C12orf42: variants seen among roughly 807,000 people sequenced by gnomAD.
The protein encoded by C12orf42 is uncharacterized protein C12orf42.
Under a neutral mutation model 21.6 loss-of-function variants are expected in C12orf42, and 25 were observed. The observed-to-expected ratio is 1.16, with a 90% CI of 0.84 to 1.62. The LOEUF is 1.62. Ranked by LOEUF, C12orf42 falls within the 40% of genes most tolerant of loss-of-function variation. The pLI is 0.00. For synonymous variants in C12orf42, 174 were observed against 175.0 expected (o/e 0.99, Z 0.05); for missense variants, 483 against 459.3 (o/e 1.05, Z -0.47).
the C12orf42 span, among the ~76,000 whole-genome samples, chr12:103,202,699 C>T: frequency 6.6e-6 from 1 of 152,186 alleles, no homozygotes; most frequent in East Asian, 1.9e-4. Flanking sequence ...AAATCTGTCT[C>T]CTTCTAGGGC....
chr12:103,050,856 T>G, the C12orf42 span, among the ~76,000 whole-genome samples: 1,779 of 152,312 alleles, frequency 0.012, 40 homozygotes, highest in African/African-American at 0.041. Flanking sequence ...TTATGTGAAT[T>G]TTTTCAGCTT....
At chr12:103,554,803 C>T in the C12orf42 span, among the ~76,000 whole-genome samples, 685 of 152,288 alleles carry the variant, frequency 4.5e-3, 3 homozygotes, top group African/African-American at 0.015. Flanking sequence ...GGGGATGCTA[C>T]TAAACTGTTA....
chr12:103,546,740 T>C, the C12orf42 span, among the ~76,000 whole-genome samples: 1 of 152,232 alleles, frequency 6.6e-6, no homozygotes, highest in Non-Finnish European at 1.5e-5. Context: ...CACTTTGGCA[T>C]ATAAAATGTT....
At chr12:103,303,405 A>C (rs950937960) in intron 5 of C12orf42, among the ~76,000 whole-genome samples, 10 of 152,140 alleles carry the variant, frequency 6.6e-5, no homozygotes, top group African/African-American at 2.4e-4. Flanking sequence ...CCATTGACCT[A>C]CACAAATTAA....
chr12:103,082,697 TA>T, the C12orf42 span, among the ~76,000 whole-genome samples: 1 of 152,084 alleles, frequency 6.6e-6, no homozygotes, highest in African/African-American at 2.4e-5. Context: ...AGTATAATAA[TA>T]AAAAAAGACT....
chr12:103,367,545 G>A (rs147150780), intron 4 of C12orf42, among the ~76,000 whole-genome samples: 1 of 152,016 alleles, frequency 6.6e-6, no homozygotes, highest in Non-Finnish European at 1.5e-5. Flanking sequence ...AGTGATAAGT[G>A]AAGACTGAGG....
At chr12:103,560,167 T>A in the C12orf42 span, among the ~76,000 whole-genome samples, 1 of 152,344 alleles carries the variant, frequency 6.6e-6, no homozygotes, top group Non-Finnish European at 1.5e-5. Context: ...GTCCCCATTT[T>A]ATAGATGGGA....
At chr12:103,137,115 C>A in the C12orf42 span, among the ~76,000 whole-genome samples, 4 of 152,176 alleles carry the variant, frequency 2.6e-5, no homozygotes, top group South Asian at 8.3e-4. Context: ...AAAATATTTG[C>A]AAACTATTCA....
At chr12:103,076,975 T>C in the C12orf42 span, among the ~76,000 whole-genome samples, 1 of 152,228 alleles carries the variant, frequency 6.6e-6, no homozygotes, top group Non-Finnish European at 1.5e-5. Flanking sequence ...TATATTGATG[T>C]TCATATCAGC....
chr12:103,426,999 A>G (rs575221148), intron 2 of C12orf42, among the ~76,000 whole-genome samples: 5 of 152,330 alleles, frequency 3.3e-5, no homozygotes, highest in Admixed American at 2.6e-4. Flanking sequence ...AGCCACTGCA[A>G]AAACATACCA....
At chr12:103,333,931 C>A (rs1419655164) in intron 4 of C12orf42, among the ~76,000 whole-genome samples, 1 of 152,204 alleles carries the variant, frequency 6.6e-6, no homozygotes, top group Admixed American at 6.5e-5. Flanking sequence ...ATAACAGCAG[C>A]ATAAGTGCCT....
intron 10 of C12orf42, among the ~76,000 whole-genome samples, chr12:103,254,576 A>C (rs1023825048): frequency 4.6e-5 from 7 of 152,216 alleles, no homozygotes; most frequent in African/African-American, 1.7e-4. Context: ...ACAACCATCT[A>C]TGTAGCCATA....
At chr12:103,494,603 A>C (rs1019607609) in intron 1 of C12orf42, among the ~76,000 whole-genome samples, 2 of 151,838 alleles carry the variant, frequency 1.3e-5, no homozygotes, top group Admixed American at 6.6e-5. Flanking sequence ...GGTTTCAAAA[A>C]ACACCTGCAA....
At chr12:103,476,054 A>T (rs543758415) in intron 2 of C12orf42, among the ~76,000 whole-genome samples, 13 of 152,328 alleles carry the variant, frequency 8.5e-5, no homozygotes, top group Middle Eastern at 3.4e-3. Flanking sequence ...AGAAATACAG[A>T]GTGTGCATTT....
chr12:103,167,515 A>C, the C12orf42 span, among the ~76,000 whole-genome samples: 3 of 152,078 alleles, frequency 2.0e-5, no homozygotes, highest in Non-Finnish European at 4.4e-5. Context: ...ATGAATTCCT[A>C]TCTCTTAACA....
intron 10 of C12orf42, among the ~76,000 whole-genome samples, chr12:103,240,714 C>T (rs1186576325): frequency 6.6e-6 from 1 of 152,174 alleles, no homozygotes; most frequent in Non-Finnish European, 1.5e-5. Context: ...CCAAGTGTCT[C>T]TACCCTGCAT....
At chr12:103,408,236 G>A (rs1030307184) in intron 2 of C12orf42, among the ~76,000 whole-genome samples, 4 of 152,166 alleles carry the variant, frequency 2.6e-5, no homozygotes, top group Non-Finnish European at 4.4e-5. Flanking sequence ...TATAGGCTGT[G>A]GGTGTAGTAC....
At chr12:103,356,070 C>G (rs2043518337) in intron 4 of C12orf42, among the ~76,000 whole-genome samples, 1 of 152,072 alleles carries the variant, frequency 6.6e-6, no homozygotes, top group Non-Finnish European at 1.5e-5. Flanking sequence ...ATTAGGAATT[C>G]AAACTTAAAA....
chr12:103,243,855 T>C (rs936174624), intron 10 of C12orf42, among the ~76,000 whole-genome samples: 6 of 152,252 alleles, frequency 3.9e-5, no homozygotes, highest in Non-Finnish European at 7.4e-5. Flanking sequence ...ATGTGTTATA[T>C]CTGGAAGGAA....
Sources: allele counts gnomAD v4.1 joint callset (sites outside exome capture counted in the v4.1 genomes callset), GRCh38; gene constraint gnomAD v4.1.1; transcripts MANE v1.5; gene names NCBI Gene and HGNC (gene_info 2026-07-23, HGNC 2026-07-21).